Variants in AMD1 observed in about 807,000 individuals in gnomAD.
AMD1 encodes the protein S-adenosylmethionine decarboxylase proenzyme.
In AMD1, 11 loss-of-function variants were observed where a neutral mutation model predicts 40.2. The observed-to-expected ratio is 0.27, with a 90% CI of 0.17 to 0.45. The LOEUF (loss-of-function observed/expected upper bound fraction) is 0.45. Ranked by LOEUF, AMD1 falls within the 20% of genes least tolerant of loss-of-function variation. The pLI, the probability that AMD1 is intolerant of heterozygous loss-of-function variation, is 1.00. For missense variants in AMD1, 257 were observed against 410.2 expected (o/e 0.63, Z 3.23); for synonymous variants, 121 against 130.8 (o/e 0.93, Z 0.51).
the AMD1 span, chr6:110,814,989 C>T: frequency 3.1e-6 from 5 of 1,601,326 alleles, no homozygotes; most frequent in Non-Finnish European, 4.3e-6. Context: ...CGAGCCTACT[C>T]CTCCCGCCCC....
the AMD1 span, among the ~76,000 whole-genome samples, chr6:110,868,586 C>T: frequency 1.3e-5 from 2 of 152,100 alleles, no homozygotes; most frequent in Non-Finnish European, 2.9e-5. Context: ...TTGTCTTTCA[C>T]CTATGTCTGA....
chr6:110,876,574 G>C (rs1228064792), intron 1 of AMD1, among the ~76,000 whole-genome samples: 1 of 151,942 alleles, frequency 6.6e-6, no homozygotes, highest in Non-Finnish European at 1.5e-5. Flanking sequence ...CGATTCCATT[G>C]TAGAAAAAAA....
the AMD1 span, among the ~76,000 whole-genome samples, chr6:110,862,390 G>A: frequency 3.5e-5 from 5 of 143,350 alleles, no homozygotes; most frequent in African/African-American, 7.7e-5. Flanking sequence ...GTATAATGAT[G>A]GTCTTTTATC....
chr6:110,844,717 G>T, the AMD1 span, among the ~76,000 whole-genome samples: 1 of 151,468 alleles, frequency 6.6e-6, no homozygotes, highest in Non-Finnish European at 1.5e-5. Context: ...GGAGGCAGAG[G>T]TTGCAGTAGG....
At position 110,887,433 on chromosome 6, in the gene AMD1, G is replaced by A. The variant is rs192267975; in HGVS notation, c.111-72G>A. ...AAATGTGGTCTTCATGAGAAAAAGT[G>A]TGAGCTTTGTAATTTTTATGAGTAG... On this transcript the variant is annotated intron_variant, in intron 1 of 8. Transcript: ENST00000368885. 130 of 1,078,334 alleles carry A rather than the reference G, an allele frequency of 1.2e-4. 1 individual carries two copies. In the African/African-American group the frequency reaches 1.9e-3, roughly 15 times the overall value. 66.8% of individuals were successfully genotyped at this position (1,078,334 alleles called of 1,614,324 possible).
intron 1 of AMD1, among the ~76,000 whole-genome samples, chr6:110,886,536 C>T (rs1785698027): frequency 6.6e-6 from 1 of 152,106 alleles, no homozygotes; most frequent in South Asian, 2.1e-4. Flanking sequence ...AAACTCCTGA[C>T]CTCAAGTGAT....
chr6:110,837,753 T>A, the AMD1 span, among the ~76,000 whole-genome samples: 1 of 106,600 alleles, frequency 9.4e-6, no homozygotes. Flanking sequence ...AAAATATATA[T>A]ATATATATAT....
chr6:110,835,427 G>A, the AMD1 span, among the ~76,000 whole-genome samples: 1 of 152,170 alleles, frequency 6.6e-6, no homozygotes, highest in Non-Finnish European at 1.5e-5. Context: ...TTTATATTTA[G>A]TTACTTTAAA....
At chr6:110,817,168 G>T in the AMD1 span, among the ~76,000 whole-genome samples, 1 of 152,212 alleles carries the variant, frequency 6.6e-6, no homozygotes, top group South Asian at 2.1e-4. Context: ...ACAAAGAAGG[G>T]AATTGTCAAT....
At position 110,890,240 on chromosome 6, in the gene AMD1, C is replaced by A. The variant is rs202160703; in HGVS notation, c.325-14C>A. The A allele has an allele frequency of 3.1e-5, 47 of 1,497,988 alleles. 1 individual carries two copies. The East Asian group carries it at 1.0e-3, about 33-fold the overall frequency. The allele number at this position is 1,497,988 out of a possible 1,614,324, so 92.8% of individuals were successfully genotyped here. On this transcript the variant is annotated splice_polypyrimidine_tract_variant and intron_variant, in intron 3 of 8. Transcript: ENST00000368885. ...AGTCATCTTTTTTTTTCTTTCTTTTCTTTTTTAATAAAGAGCTTCTTTTAT... is the reference window on the plus strand; with the variant it reads ...AGTCATCTTTTTTTTTCTTTCTTTTATTTTTTAATAAAGAGCTTCTTTTAT...
At chr6:110,866,955 A>G in the AMD1 span, among the ~76,000 whole-genome samples, 7 of 151,828 alleles carry the variant, frequency 4.6e-5, no homozygotes, top group African/African-American at 1.5e-4. Flanking sequence ...CTGGGATTAC[A>G]TGCGCCCAAC....
upstream of AMD1, among the ~76,000 whole-genome samples, chr6:110,871,924 C>T (rs1784924680): frequency 6.6e-6 from 1 of 152,112 alleles, no homozygotes; most frequent in African/African-American, 2.4e-5. Context: ...AGGACACAGG[C>T]ATAGCCAAGA....
the AMD1 span, among the ~76,000 whole-genome samples, chr6:110,838,464 T>C: frequency 6.6e-6 from 1 of 152,094 alleles, no homozygotes; most frequent in Non-Finnish European, 1.5e-5. Flanking sequence ...GTTTTAGCAA[T>C]GAAAGAAGAA....
chr6:110,895,327 C>A lies in AMD1; in HGVS notation c.*1711C>A, dbSNP rs1786243556. The A allele has an allele frequency of 6.6e-6, 1 of 152,128 alleles. No homozygotes were observed. The highest frequency in any genetic ancestry group is 1.5e-5 in the Non-Finnish European group (1 of 68,022). 9.4% of individuals were successfully genotyped at this position (152,128 alleles called of 1,614,324 possible). A position where few individuals can be genotyped will look rare whatever the true frequency, so the allele number is the denominator to read the frequency against. ...TTCAATCAGTGTGATCAGTTTGATT[C>A]TGTAATGAGCACAGCACCTAATATT... On this transcript the variant is annotated 3_prime_UTR_variant, in exon 9 of 9. Coordinates refer to ENST00000368885, the MANE Select transcript of AMD1 (RefSeq NM_001634.6).
Position 110,887,527 on chromosome 6 carries a change from A to G in AMD1, c.133A>G (p.Lys45Glu). Reference protein sequence around the residue: ...IPRSEWDILLKDVQCSIISVT... With the variant: ...IPRSEWDILLEDVQCSIISVT... ...TAGATCTGAGTGGGACATACTTTTG[A>G]AGGATGTGCAATGTTCAATCATAAG... The change falls in exon 2 of 9, where the codon AAG becomes GAG. Residue 45 changes from lysine to glutamate, a missense_variant. By Grantham distance (56) the Lys-to-Glu change is moderately conservative. Around this residue, in one of 3 missense-constraint regions of AMD1, gnomAD observed 57 missense variants for 76.8 expected, o/e 0.74. Transcript: ENST00000368885. 4 of 1,608,814 alleles carry G rather than the reference A, an allele frequency of 2.5e-6. No individual in the cohort carries two copies. The highest frequency in any genetic ancestry group is 1.7e-5 in the Admixed American group (1 of 58,890).
chr6:110,841,657 C>T, the AMD1 span, among the ~76,000 whole-genome samples: 2 of 150,648 alleles, frequency 1.3e-5, no homozygotes, highest in Non-Finnish European at 2.9e-5. Context: ...GGACAAGCTG[C>T]GTAAGGGATA....
the AMD1 span, among the ~76,000 whole-genome samples, chr6:110,838,451 T>C: frequency 1.3e-5 from 2 of 152,148 alleles, no homozygotes; most frequent in African/African-American, 4.8e-5. Flanking sequence ...TATCAAACTC[T>C]GGGTTTTAGC....
chr6:110,825,505 C>A, the AMD1 span, among the ~76,000 whole-genome samples: 1 of 152,194 alleles, frequency 6.6e-6, no homozygotes, highest in African/African-American at 2.4e-5. Flanking sequence ...TACCCCTTCT[C>A]CATGTATGCA....
At chr6:110,850,226 T>G in the AMD1 span, among the ~76,000 whole-genome samples, 171 of 152,308 alleles carry the variant, frequency 1.1e-3, 1 homozygote, top group Non-Finnish European at 2.6e-4. Context: ...AATTTAATTT[T>G]GCAGATTATA....
Sources: gnomAD v4.1 joint callset for allele counts (sites outside exome capture counted in the v4.1 genomes callset) on GRCh38, gnomAD v4.1.1 for gene constraint, gnomAD v4.1.1 regional missense constraint, MANE v1.5 for transcripts, NCBI Gene and HGNC (gene_info 2026-07-23, HGNC 2026-07-21) for gene names.